The following CFAP54 variants were observed in gnomAD, a reference collection of about 807,000 sequenced individuals.
CFAP54 encodes the protein cilia- and flagella-associated protein 54.
Under a neutral mutation model 370.4 loss-of-function variants are expected in CFAP54, and 290 were observed. The ratio of observed to expected loss-of-function variants is 0.78; its 90% confidence interval spans 0.71 to 0.86. The LOEUF (loss-of-function observed/expected upper bound fraction) is 0.86, where lower values mean the gene tolerates loss of function less well. Among genes scored for constraint, CFAP54 ranks in the 40% least tolerant of loss-of-function variants. The pLI is 0.00. For synonymous variants in CFAP54, 1,206 were observed against 1,236.5 expected, an observed-to-expected ratio of 0.98 and a Z score of 0.52; for missense variants, 3,399 against 3,528.7, an observed-to-expected ratio of 0.96 and a Z score of 0.93.
chr12:96,579,698 C>T (rs1055047541), intron 20 of CFAP54, among the ~76,000 whole-genome samples: 15 of 151,962 alleles, frequency 9.9e-5, no homozygotes. Flanking sequence ...ATAATACTAC[C>T]CCGTCAGGTG....
chr12:96,639,531 A>G (rs1164123253), intron 32 of CFAP54, among the ~76,000 whole-genome samples: 2 of 152,190 alleles, frequency 1.3e-5, no homozygotes, highest in African/African-American at 4.8e-5. Flanking sequence ...TCCTTCTGAA[A>G]CTATTCCAAT....
rs1220010719 is a variant in CFAP54, at chr12:96,757,528, A to C, written c.7980A>C (p.Leu2660=). 2 of 1,598,328 alleles carry C rather than the reference A, an allele frequency of 1.3e-6. No homozygotes were observed. Among genetic ancestry groups the C allele is most frequent in the African/African-American group, 2.7e-5 (2 of 74,688 alleles). ...GAGACTCCTACCTAGAAATGGCTCTATTGTATTTTCATCTGAAGAAGCCAA... is the reference window on the plus strand; with the variant it reads ...GAGACTCCTACCTAGAAATGGCTCTCTTGTATTTTCATCTGAAGAAGCCAA... ...LIRDSYLEMA[L]LYFHLKKPKI... is the part of the protein sequence containing the mutation. The change falls in exon 58 of 68, where the codon CTA becomes CTC. Residue 2660 remains leucine, a synonymous_variant. Coordinates refer to ENST00000524981, the MANE Select transcript of CFAP54 (RefSeq NM_001306084.2).
chr12:96,689,564 C>T (rs531260964), intron 43 of CFAP54, among the ~76,000 whole-genome samples: 2 of 152,086 alleles, frequency 1.3e-5, no homozygotes, highest in Non-Finnish European at 2.9e-5. Flanking sequence ...GATCATGTTA[C>T]TAGTAATCAG....
intron 30 of CFAP54, among the ~76,000 whole-genome samples, chr12:96,627,780 A>T (rs1480827662): frequency 6.6e-6 from 1 of 152,212 alleles, no homozygotes; most frequent in Non-Finnish European, 1.5e-5. Context: ...AAATTTTTTA[A>T]AAAATAGCTA....
chr12:96,803,291 G>A (rs896889938), intron 63 of CFAP54, among the ~76,000 whole-genome samples: 2 of 152,058 alleles, frequency 1.3e-5, no homozygotes, highest in African/African-American at 2.4e-5. Context: ...TACACTGCAC[G>A]AACAGTGTAA....
chr12:96,727,606 C>G (rs1244799586), intron 50 of CFAP54, among the ~76,000 whole-genome samples: 1 of 151,602 alleles, frequency 6.6e-6, no homozygotes, highest in South Asian at 2.1e-4. Context: ...ATACAGCACA[C>G]TGATGGGTCT....
Position 96,580,673 on chromosome 12 carries a change from C to A in CFAP54, c.2873C>A (p.Pro958Gln), listed in dbSNP as rs1233352132. The change falls in exon 21 of 68, where the codon CCA (proline) becomes CAA (glutamine). Residue 958 changes from proline (P) to glutamine (Q), a missense_variant. Physicochemically the swap from Pro to Gln is moderately conservative, Grantham distance 76 (BLOSUM62 -1). Coordinates refer to ENST00000524981, the MANE Select transcript of CFAP54 (RefSeq NM_001306084.2). ...GTACGGCTAAACAATAATCATCTCC[C>A]AAATTCAGGAGAAGCGGTACGTCAA... ...GKVRLNNNHL[P>Q]NSGEAIPADG... 1 of 1,521,346 alleles carries A rather than the reference C, an allele frequency of 6.6e-7. No individual in the cohort carries two copies. Among genetic ancestry groups the A allele is most frequent in the Admixed American group, 2.0e-5 (1 of 49,808 alleles). 94.2% of individuals were successfully genotyped at this position (1,521,346 alleles called of 1,614,324 possible). A position where few individuals can be genotyped will look rare whatever the true frequency, so the allele number is the denominator to read the frequency against.
intron 2 of CFAP54, chr12:96,501,271 G>T (rs1296736138): frequency 5.9e-6 from 1 of 169,970 alleles, no homozygotes; most frequent in Non-Finnish European, 1.3e-5. Context: ...AAGGAGCCCA[G>T]ACACCACTTC....
At chr12:96,824,737 T>C (rs1959067745) in intron 65 of CFAP54, among the ~76,000 whole-genome samples, 1 of 152,130 alleles carries the variant, frequency 6.6e-6, no homozygotes, top group South Asian at 2.1e-4. Flanking sequence ...CCAAACTGTT[T>C]GAGTGGTGTC....
chr12:96,550,594 A>G (rs115359827), intron 15 of CFAP54, among the ~76,000 whole-genome samples: 1,965 of 152,246 alleles, frequency 0.013, 61 homozygotes, highest in African/African-American at 0.046. Context: ...AAAAAAATAA[A>G]TAAAAGGGAT....
intron 26 of CFAP54, among the ~76,000 whole-genome samples, chr12:96,616,731 G>A (rs146748116): frequency 4.4e-4 from 67 of 152,234 alleles, no homozygotes; most frequent in African/African-American, 1.5e-3. Flanking sequence ...TTATCATGGA[G>A]GATATAATGC....
chr12:96,602,438 T>G (rs1463369200), intron 26 of CFAP54, among the ~76,000 whole-genome samples: 4 of 152,210 alleles, frequency 2.6e-5, no homozygotes, highest in Admixed American at 2.0e-4. Context: ...TTCTGTTGAT[T>G]TGGGGTGGAG....
At chr12:96,836,765 CA>C (rs2136768584) in intron 66 of CFAP54, among the ~76,000 whole-genome samples, 1 of 152,300 alleles carries the variant, frequency 6.6e-6, no homozygotes, top group South Asian at 2.1e-4. Context: ...TATTAATGTG[CA>C]TTCCATTTTA....
At chr12:96,505,503 T>C (rs1293056081) in intron 3 of CFAP54, among the ~76,000 whole-genome samples, 1 of 107,828 alleles carries the variant, frequency 9.3e-6, no homozygotes, top group African/African-American at 4.2e-5. Flanking sequence ...ATAGCCTCAC[T>C]TTTTTTTTTT....
At chr12:96,813,488 C>T (rs966952308) in intron 64 of CFAP54, among the ~76,000 whole-genome samples, 5 of 152,292 alleles carry the variant, frequency 3.3e-5, no homozygotes, top group African/African-American at 9.6e-5. Context: ...ATTGGGACAT[C>T]CTCCTTTTAT....
intron 15 of CFAP54, among the ~76,000 whole-genome samples, chr12:96,552,728 C>T (rs1391787365): frequency 6.6e-6 from 1 of 152,158 alleles, no homozygotes; most frequent in Non-Finnish European, 1.5e-5. Context: ...TTCATTGTAG[C>T]TGTGAGGATA....
chr12:96,625,324 T>C (rs1956539063), intron 28 of CFAP54, among the ~76,000 whole-genome samples: 1 of 152,208 alleles, frequency 6.6e-6, no homozygotes, highest in African/African-American at 2.4e-5. Context: ...ACCCAGCCAG[T>C]CTGGCTCCAG....
chr12:96,569,942 G>C (rs921863646), intron 19 of CFAP54, among the ~76,000 whole-genome samples: 1 of 151,622 alleles, frequency 6.6e-6, no homozygotes, highest in Non-Finnish European at 1.5e-5. Flanking sequence ...TTTTTTTTAG[G>C]GGGGAAGAAT....
chr12:96,522,643 C>T (rs182565469), intron 8 of CFAP54, among the ~76,000 whole-genome samples: 2 of 152,330 alleles, frequency 1.3e-5, no homozygotes, highest in East Asian at 3.9e-4. Context: ...TAGCAACAAA[C>T]AACACCCGTA....
Sources: allele counts gnomAD v4.1 joint callset (sites outside exome capture counted in the v4.1 genomes callset), GRCh38; gene constraint gnomAD v4.1.1; transcripts MANE v1.5; gene names NCBI Gene and HGNC (gene_info 2026-07-23, HGNC 2026-07-21).